Variants in ZNF346 observed in about 807,000 individuals in gnomAD.
ZNF346 encodes double-stranded RNA-binding zinc finger protein JAZ.
A neutral mutation model predicts 33.7 loss-of-function variants in ZNF346; 23 were observed. That is an observed-to-expected ratio of 0.68 (90% CI 0.49 to 0.97). The LOEUF is 0.97. Among genes scored for constraint, ZNF346 ranks in the 50% least tolerant of loss-of-function variants. The pLI is 0.00. For synonymous variants in ZNF346, 134 were observed against 142.4 expected (o/e 0.94, Z 0.42); for missense variants, 340 against 371.1 (o/e 0.92, Z 0.69).
chr5:177,039,442 TCCAGGGCATCGA>T (rs1379208138), intron 1 of ZNF346, among the ~76,000 whole-genome samples: 1 of 150,650 alleles, frequency 6.6e-6, no homozygotes, highest in Non-Finnish European at 1.5e-5. Context: ...AAGAACCTCT[TCCAGGGCATCGA>T]CTTTTTTTTT....
chr5:177,074,067 C>CT (rs1783633679), intron 8 of ZNF346, among the ~76,000 whole-genome samples: 1 of 152,164 alleles, frequency 6.6e-6, no homozygotes, highest in African/African-American at 2.4e-5. Context: ...CCCAGACCCT[C>CT]TAGCATAGCC....
intron 6 of ZNF346, among the ~76,000 whole-genome samples, chr5:177,063,244 G>T (rs956646811): frequency 6.6e-6 from 1 of 152,224 alleles, no homozygotes; most frequent in Non-Finnish European, 1.5e-5. Flanking sequence ...CCATTTTACA[G>T]ACAAGGAAAC....
rs913877154 is a variant in ZNF346 at position 177,064,698 on chromosome 5, A to G, written c.*99A>G. Reference sequence around the variant, plus strand: ...CCTCTTGCTCGTTGTTCTCACCAGGAAAGTACACGGGCCTGAGGCAGGATT... The same window carrying G: ...CCTCTTGCTCGTTGTTCTCACCAGGGAAGTACACGGGCCTGAGGCAGGATT... On this transcript the variant is annotated 3_prime_UTR_variant, in exon 7 of 7. Transcript: ENST00000358149. 1 of 962,566 alleles carries G rather than the reference A, an allele frequency of 1.0e-6. No individual in the cohort carries two copies. The highest frequency in any genetic ancestry group is 1.6e-5 in the African/African-American group (1 of 62,676). The allele number at this position is 962,566 out of a possible 1,614,324, so 59.6% of individuals were successfully genotyped here.
chr5:177,029,053 A>G (rs1414440945), intron 1 of ZNF346, among the ~76,000 whole-genome samples: 3 of 152,018 alleles, frequency 2.0e-5, no homozygotes, highest in Non-Finnish European at 4.4e-5. Context: ...ACCTTGGTAC[A>G]TGTTAATAGG....
intron 1 of ZNF346, among the ~76,000 whole-genome samples, chr5:177,025,008 C>T (rs1042914099): frequency 3.9e-5 from 6 of 152,192 alleles, no homozygotes; most frequent in African/African-American, 1.2e-4. Context: ...GTAAGCATAT[C>T]GCCAGTGATT....
intron 1 of ZNF346, among the ~76,000 whole-genome samples, chr5:177,039,693 G>T (rs1044232674): frequency 6.6e-6 from 1 of 152,122 alleles, no homozygotes; most frequent in Non-Finnish European, 1.5e-5. Flanking sequence ...GCCCAGGCTG[G>T]TCTCAAACTC....
rs1487487605 is a variant in ZNF346, at chr5:177,050,750, G to T, written c.518-1G>T. On this transcript the variant is annotated splice_acceptor_variant, in intron 4 of 6. Coordinates refer to ENST00000358149, the MANE Select transcript of ZNF346 (RefSeq NM_012279.4). LOFTEE classifies it high-confidence loss of function. ...TCCTTTCCTTGTGGCCTCCACCTTAGCCTTGCACCAGAATAGAGAGATGAT... is the reference window on the plus strand; with the variant it reads ...TCCTTTCCTTGTGGCCTCCACCTTATCCTTGCACCAGAATAGAGAGATGAT... 1 of 1,614,144 alleles carries T rather than the reference G, an allele frequency of 6.2e-7. No homozygotes were observed. The highest frequency in any genetic ancestry group is 8.5e-7 in the Non-Finnish European group (1 of 1,180,022).
chr5:177,022,755 C>G lies in ZNF346; in HGVS notation c.17C>G (p.Pro6Arg), dbSNP rs1561949795. The change falls in exon 1 of 7, where the codon CCG becomes CGG. Residue 6 changes from proline to arginine, a missense_variant. Coordinates refer to ENST00000358149, the MANE Select transcript of ZNF346 (RefSeq NM_012279.4). MEYPA[P>R]ATVQAADGGA... is the part of the protein sequence containing the mutation. ...GCGGGGAAGATGGAGTATCCCGCGC[C>G]GGCCACGGTGCAGGCCGCGGACGGC... The G allele has an allele frequency of 1.3e-6, 2 of 1,555,798 alleles. No homozygotes were observed. The highest frequency in any genetic ancestry group is 2.5e-5 in the East Asian group (1 of 40,482).
At chr5:177,027,305 TC>T (rs1776932111) in intron 1 of ZNF346, among the ~76,000 whole-genome samples, 1 of 152,088 alleles carries the variant, frequency 6.6e-6, no homozygotes, top group Admixed American at 6.5e-5. Flanking sequence ...CGCCTCAGCC[TC>T]CCAAAGTGCT....
At chr5:177,027,075 C>G (rs1776892907) in intron 1 of ZNF346, among the ~76,000 whole-genome samples, 1 of 151,916 alleles carries the variant, frequency 6.6e-6, no homozygotes, top group Non-Finnish European at 1.5e-5. Context: ...TTTTTTCAGA[C>G]AGAGACTCAC....
intron 1 of ZNF346, among the ~76,000 whole-genome samples, chr5:177,040,378 C>T (rs1317754818): frequency 6.6e-6 from 1 of 152,056 alleles, no homozygotes; most frequent in Non-Finnish European, 1.5e-5. Flanking sequence ...CAGAGTCTAG[C>T]TCTGTCACCC....
Position 177,031,209 on chromosome 5 carries a change from T to A in ZNF346, c.175+8296T>A, listed in dbSNP as rs893060304. ...CGCCCCACAGCCAGCTAATTTTGTA[T>A]TTTTAGTAGAGACAGGGTTTCTCCA... On this transcript the variant is annotated intron_variant, in intron 1 of 6. Coordinates refer to ENST00000358149, the MANE Select transcript of ZNF346 (RefSeq NM_012279.4). Among the ~76,000 whole-genome samples, 4 of 152,116 alleles carry A rather than the reference T, an allele frequency of 2.6e-5. No individual in the cohort carries two copies. In the South Asian group the frequency reaches 8.3e-4, roughly 32 times the overall value.
chr5:177,028,496 T>TTATATATATGTATATATATATATA (rs1554142626), intron 1 of ZNF346, among the ~76,000 whole-genome samples: 8 of 90,540 alleles, frequency 8.8e-5, no homozygotes, highest in Non-Finnish European at 1.6e-4. Context: ...TTGTGACGTT[T>TTATATATATGTATATATATATATA]TATATATATA....
At chr5:177,038,080 A>G (rs1260591338) in intron 1 of ZNF346, among the ~76,000 whole-genome samples, 1 of 139,712 alleles carries the variant, frequency 7.2e-6, no homozygotes. Context: ...CCCCATGATG[A>G]TTTTTTTTTT....
intron 1 of ZNF346, among the ~76,000 whole-genome samples, chr5:177,028,971 G>A (rs1037940537): frequency 3.3e-5 from 5 of 151,290 alleles, no homozygotes; most frequent in Non-Finnish European, 4.4e-5. Flanking sequence ...TGCCCTCCTC[G>A]GCCTCCCAAA....
At chr5:177,025,039 G>A (rs571842575) in intron 1 of ZNF346, among the ~76,000 whole-genome samples, 4 of 152,160 alleles carry the variant, frequency 2.6e-5, no homozygotes, top group Admixed American at 2.0e-4. Context: ...GTACAGAGTT[G>A]TATAGCCATT....
At chr5:177,030,804 A>T (rs903088835) in intron 1 of ZNF346, among the ~76,000 whole-genome samples, 1 of 151,614 alleles carries the variant, frequency 6.6e-6, no homozygotes, top group African/African-American at 2.4e-5. Flanking sequence ...GCAACGACTT[A>T]TCTCCTCTCT....
At chr5:177,061,920 TG>T (rs1194759088) in intron 5 of ZNF346, 137 bp from the exon 6 acceptor site, 2 of 692,090 alleles carry the variant, frequency 2.9e-6, no homozygotes, top group Non-Finnish European at 5.1e-6. Context: ...CTGTGGCCTC[TG>T]GGTTCTCATC....
chr5:177,071,554 C>T (rs1783500548), downstream of ZNF346, among the ~76,000 whole-genome samples: 1 of 150,590 alleles, frequency 6.6e-6, no homozygotes, highest in Non-Finnish European at 1.5e-5. Flanking sequence ...GTCGTAGTGG[C>T]GGGTGCCTGT....
Sources: allele counts gnomAD v4.1 joint callset (sites outside exome capture counted in the v4.1 genomes callset), GRCh38; gene constraint gnomAD v4.1.1; transcripts MANE v1.5; gene names NCBI Gene and HGNC (gene_info 2026-07-23, HGNC 2026-07-21).